Variants in EIF4G3 observed in about 807,000 individuals in gnomAD.
The protein encoded by EIF4G3 is eIF-4-gamma 3.
Under a neutral mutation model 186.4 loss-of-function variants are expected in EIF4G3, and 34 were observed. The observed-to-expected ratio is 0.18, with a 90% CI of 0.14 to 0.24. The LOEUF (loss-of-function observed/expected upper bound fraction) is 0.24, where lower values mean the gene tolerates loss of function less well. EIF4G3 is among the 10% of genes least tolerant of loss of function. EIF4G3 has a pLI of 1.00. For synonymous variants in EIF4G3, 673 were observed against 679.5 expected, an observed-to-expected ratio of 0.99 and a Z score of 0.15; for missense variants, 1,536 against 1,948.5, an observed-to-expected ratio of 0.79 and a Z score of 3.99.
chr1:20,850,724 C>T (rs2073020138), intron 28 of EIF4G3, among the ~76,000 whole-genome samples: 1 of 152,140 alleles, frequency 6.6e-6, no homozygotes, highest in South Asian at 2.1e-4. Flanking sequence ...CCCCATTTAA[C>T]AGATAAGGAA....
intron 3 of EIF4G3, among the ~76,000 whole-genome samples, chr1:21,069,759 T>C (rs1487584940): frequency 2.0e-5 from 3 of 152,056 alleles, no homozygotes. Context: ...TCGTAGGAAT[T>C]TTTACCGGGG....
At chr1:20,971,762 TA>T (rs1242998433) in intron 11 of EIF4G3, among the ~76,000 whole-genome samples, 8 of 152,126 alleles carry the variant, frequency 5.3e-5, no homozygotes, top group African/African-American at 1.9e-4. Context: ...GCCTCCCGAG[TA>T]GCTGGAATTA....
At chr1:21,029,755 A>G (rs972694136) in intron 4 of EIF4G3, among the ~76,000 whole-genome samples, 1 of 152,246 alleles carries the variant, frequency 6.6e-6, no homozygotes, top group Non-Finnish European at 1.5e-5. Flanking sequence ...GAAATGGATT[A>G]AAGAATTAAA....
chr1:20,813,888 C>G lies in EIF4G3; in HGVS notation c.4516-649G>C, dbSNP rs570645039. ...AACAAAAAAAGATACCCTTGCGTAT[C>G]AGATAAATGATCTCTTGAACATCAG... On this transcript the variant is annotated intron_variant, in intron 34 of 36. Transcript: ENST00000602326. Among the ~76,000 whole-genome samples, 5 of 147,646 alleles carry G rather than the reference C, an allele frequency of 3.4e-5. No individual in the cohort carries two copies. In the East Asian group the frequency reaches 5.9e-4, roughly 18 times the overall value.
chr1:21,121,388 T>C (rs1410391896), intron 2 of EIF4G3, among the ~76,000 whole-genome samples: 1 of 152,228 alleles, frequency 6.6e-6, no homozygotes, highest in Admixed American at 6.5e-5. Context: ...AATAAATACA[T>C]GTATATTTCA....
intron 2 of EIF4G3, among the ~76,000 whole-genome samples, chr1:21,108,155 T>G (rs1287150353): frequency 6.6e-6 from 1 of 152,100 alleles, no homozygotes; most frequent in East Asian, 1.9e-4. Context: ...CAAGGCCCTG[T>G]CTCAAAGAAA....
At chr1:20,884,711 A>G (rs2083536958) in intron 19 of EIF4G3, among the ~76,000 whole-genome samples, 1 of 152,244 alleles carries the variant, frequency 6.6e-6, no homozygotes, top group Non-Finnish European at 1.5e-5. Flanking sequence ...AGAGATAAAC[A>G]AAAGCAAACC....
chr1:21,155,745 T>C (rs149914866), intron 2 of EIF4G3, among the ~76,000 whole-genome samples: 307 of 152,228 alleles, frequency 2.0e-3, no homozygotes, highest in African/African-American at 7.0e-3. Flanking sequence ...TTCTAAAATA[T>C]ATGATTATAG....
At chr1:20,954,602 C>A (rs1558418740) in intron 12 of EIF4G3, among the ~76,000 whole-genome samples, 1 of 147,968 alleles carries the variant, frequency 6.8e-6, no homozygotes, top group Non-Finnish European at 1.5e-5. Context: ...GGAAAAACTA[C>A]CAAAACATGC....
Position 20,829,284 on chromosome 1 carries a change from C to T in EIF4G3, c.4062-12G>A. 1 of 1,608,692 alleles carries T rather than the reference C, an allele frequency of 6.2e-7. No individual in the cohort carries two copies. The highest frequency in any genetic ancestry group is 1.3e-5 in the African/African-American group (1 of 74,680). On this transcript the variant is annotated splice_polypyrimidine_tract_variant and intron_variant, in intron 30 of 36. Transcript: ENST00000602326. ...AAGTTTCTGAAAAACTGAAAAGGAACAGGGGGTAAAAATCACATGCAAATG... is the reference window on the plus strand; with the variant it reads ...AAGTTTCTGAAAAACTGAAAAGGAATAGGGGGTAAAAATCACATGCAAATG...
chr1:20,865,126 G>A lies in EIF4G3; in HGVS notation c.2759C>T (p.Ala920Val). 1 of 1,614,058 alleles carries A rather than the reference G, an allele frequency of 6.2e-7. No individual in the cohort carries two copies. Among genetic ancestry groups the A allele is most frequent in the South Asian group, 1.1e-5 (1 of 91,072 alleles). The change falls in exon 21 of 37, where the codon GCT becomes GTT. Residue 920 changes from alanine (A) to valine (V), a missense_variant. This residue lies in a region of EIF4G3 where 77 missense variants were observed against 131.6 expected (regional missense o/e 0.59). Transcript: ENST00000602326. ...VFEKKQKELE[A>V]ASAPEERTRL... is the part of the protein sequence containing the mutation. ...TATGAAAATACTTACAGCACTGGCA[G>A]CCTCAAGTTCTTTCTGCTTCTTCTC...
At chr1:20,815,783 G>T (rs1355779838) in intron 34 of EIF4G3, among the ~76,000 whole-genome samples, 98 of 134,938 alleles carry the variant, frequency 7.3e-4, no homozygotes, top group African/African-American at 2.6e-3. Flanking sequence ...GGAGGTGGGG[G>T]GGTCAGCCCC....
intron 3 of EIF4G3, among the ~76,000 whole-genome samples, chr1:21,053,841 G>A (rs1183996728): frequency 6.7e-6 from 1 of 148,804 alleles, no homozygotes; most frequent in African/African-American, 2.5e-5. Context: ...ATCCGGGAGG[G>A]AGGTGGGGGG....
chr1:20,968,368 T>C (rs1366845193), intron 12 of EIF4G3, among the ~76,000 whole-genome samples: 2 of 152,044 alleles, frequency 1.3e-5, no homozygotes, highest in African/African-American at 2.4e-5. Context: ...TTAGTACAGA[T>C]GGGGTTTCAC....
Position 20,837,244 on chromosome 1 carries a change from T to G in EIF4G3, c.4061+3612A>C, listed in dbSNP as rs917506463. On this transcript the variant is annotated intron_variant, in intron 30 of 36. Coordinates refer to ENST00000602326, the MANE Select transcript of EIF4G3 (RefSeq NM_001391906.1). ...TTTTTTTTTTGAGAAGGAGTCTCTG[T>G]TGCCAGGCTGGAGTGCCATGGCACA... Among the ~76,000 whole-genome samples the G allele has an allele frequency of 4.6e-5, 7 of 152,204 alleles. 1 individual carries two copies. The highest frequency in any genetic ancestry group is 2.6e-4 in the Admixed American group (4 of 15,292).
intron 6 of EIF4G3, among the ~76,000 whole-genome samples, chr1:21,000,977 A>G (rs1211733035): frequency 6.6e-6 from 1 of 152,062 alleles, no homozygotes; most frequent in Non-Finnish European, 1.5e-5. Flanking sequence ...AAAAATCTAA[A>G]CCCCCAAATT....
intron 4 of EIF4G3, among the ~76,000 whole-genome samples, chr1:21,010,571 CAA>C (rs751194899): frequency 1.6e-4 from 24 of 152,080 alleles, no homozygotes; most frequent in Non-Finnish European, 2.9e-4. Context: ...TTTCTTCTTG[CAA>C]AAAACAAACT....
At chr1:21,110,615 G>A (rs767618753) in intron 2 of EIF4G3, among the ~76,000 whole-genome samples, 7 of 151,948 alleles carry the variant, frequency 4.6e-5, no homozygotes, top group Non-Finnish European at 8.8e-5. Context: ...ATTTTTAGTA[G>A]AGATGGAGTT....
chr1:21,007,625 A>G (rs932495221), intron 4 of EIF4G3, among the ~76,000 whole-genome samples: 1 of 151,334 alleles, frequency 6.6e-6, no homozygotes, highest in Non-Finnish European at 1.5e-5. Flanking sequence ...GAGAGAATTT[A>G]GAATAATCTT....
Sources: gnomAD v4.1 joint callset for allele counts (sites outside exome capture counted in the v4.1 genomes callset) on GRCh38, gnomAD v4.1.1 for gene constraint, gnomAD v4.1.1 regional missense constraint, MANE v1.5 for transcripts, NCBI Gene and HGNC (gene_info 2026-07-23, HGNC 2026-07-21) for gene names.